ATP9A: variants seen among roughly 807,000 people sequenced by gnomAD.
ATP9A encodes the protein probable phospholipid-transporting ATPase IIA.
ATP9A carries 52 observed loss-of-function variants against 144.1 expected under a neutral mutation model. The ratio of observed to expected loss-of-function variants is 0.36; its 90% CI spans 0.29 to 0.45. The LOEUF (loss-of-function observed/expected upper bound fraction) is 0.45. ATP9A is among the 20% of genes least tolerant of loss of function. The pLI is 1.00. For synonymous variants in ATP9A, 582 were observed against 557.4 expected, an observed-to-expected ratio of 1.04 and a Z score of -0.62; for missense variants, 947 against 1,392.7, an observed-to-expected ratio of 0.68 and a Z score of 5.09.
chr20:51,752,663 C>T (rs1477098371), intron 1 of ATP9A, among the ~76,000 whole-genome samples: 4 of 152,210 alleles, frequency 2.6e-5, no homozygotes, highest in African/African-American at 9.7e-5. Context: ...TGTGGTATCA[C>T]ACACAAAACT....
rs1408331640 is a variant in ATP9A, at chr20:51,689,244, G to A, written c.724-105C>T. On this transcript the variant is annotated intron_variant, in intron 8 of 27. Coordinates refer to ENST00000338821, the MANE Select transcript of ATP9A (RefSeq NM_006045.3). ...GGAGATAGAAAGACAGGCTCCCCCCGATGAACCTGGAAGCCCAGTTTGGAA... is the reference window on the plus strand; with the variant it reads ...GGAGATAGAAAGACAGGCTCCCCCCAATGAACCTGGAAGCCCAGTTTGGAA... 3.9e-5 allele frequency: 45 copies of A among 1,156,234 alleles called. No individual in the cohort carries two copies. The East Asian group carries it at 9.7e-4, about 25-fold the overall frequency. The allele number at this position is 1,156,234 out of a possible 1,614,324, so 71.6% of individuals were successfully genotyped here. A position where few individuals can be genotyped will look rare whatever the true frequency, so the allele number is the denominator to read the frequency against.
At chr20:51,605,115 G>C in intron 26 of ATP9A, 95 bp from the exon 27 acceptor site, 1 of 1,067,514 alleles carries the variant, frequency 9.4e-7, no homozygotes, top group Non-Finnish European at 1.3e-6. Context: ...TTTTCATTTA[G>C]ACATGAAAGG....
chr20:51,708,685 G>A (rs747005833), intron 4 of ATP9A, among the ~76,000 whole-genome samples: 1 of 152,188 alleles, frequency 6.6e-6, no homozygotes, highest in Non-Finnish European at 1.5e-5. Flanking sequence ...GCAGTGAGCT[G>A]AGATCACGCT....
intron 1 of ATP9A, among the ~76,000 whole-genome samples, chr20:51,751,668 A>T (rs981085594): frequency 6.6e-6 from 1 of 152,016 alleles, no homozygotes; most frequent in Admixed American, 6.6e-5. Context: ...GCTCACTGCA[A>T]GCTCCGCCTC....
chr20:51,631,069 G>A (rs1369573985), intron 15 of ATP9A, among the ~76,000 whole-genome samples: 3 of 152,078 alleles, frequency 2.0e-5, no homozygotes, highest in Non-Finnish European at 4.4e-5. Context: ...ACCCTTTAAC[G>A]ACAAACTGGA....
At chr20:51,618,536 T>C (rs1000394780) in intron 21 of ATP9A, 126 bp downstream of exon 21, 2 of 1,355,958 alleles carry the variant, frequency 1.5e-6, no homozygotes, top group Non-Finnish European at 2.0e-6. Context: ...TGGAGAAAAA[T>C]CATGACCTGA....
At chr20:51,604,516 A>C (rs1189659936) in intron 27 of ATP9A, among the ~76,000 whole-genome samples, 1 of 152,156 alleles carries the variant, frequency 6.6e-6, no homozygotes, top group Admixed American at 6.5e-5. Context: ...ATTTCATGGG[A>C]ACAAAAAGAT....
At chr20:51,655,562 A>G (rs1273511931) in intron 14 of ATP9A, among the ~76,000 whole-genome samples, 1 of 152,194 alleles carries the variant, frequency 6.6e-6, no homozygotes, top group Non-Finnish European at 1.5e-5. Flanking sequence ...GGAAAATACA[A>G]ATCAAAACCA....
At chr20:51,652,821 C>T (rs560268549) in intron 14 of ATP9A, among the ~76,000 whole-genome samples, 1 of 152,090 alleles carries the variant, frequency 6.6e-6, no homozygotes, top group South Asian at 2.1e-4. Flanking sequence ...AAAAAAACCA[C>T]AGCAAGGCCA....
chr20:51,610,437 C>T (rs1455746928), intron 23 of ATP9A, among the ~76,000 whole-genome samples: 1 of 152,162 alleles, frequency 6.6e-6, no homozygotes, highest in African/African-American at 2.4e-5. Flanking sequence ...AGCAGCAAAT[C>T]TAGGAATCAT....
At chr20:51,672,273 T>C (rs2077459421) in intron 11 of ATP9A, among the ~76,000 whole-genome samples, 1 of 152,216 alleles carries the variant, frequency 6.6e-6, no homozygotes, top group African/African-American at 2.4e-5. Context: ...TATTCCATTG[T>C]ATGTATTATA....
Position 51,760,148 on chromosome 20 carries a change from A to C in ATP9A, c.68+8154T>G, listed in dbSNP as rs925050160. On this transcript the variant is annotated intron_variant, in intron 1 of 27. Transcript: ENST00000338821. ...CAGAAGAACTAGTATCTCTAAGCAC[A>C]GGAAGGCTGGGATGTGCCACGTGGA... Among the ~76,000 whole-genome samples the C allele has an allele frequency of 5.9e-5, 9 of 152,350 alleles. No individual in the cohort carries two copies. In the East Asian group the frequency reaches 1.7e-3, roughly 29 times the overall value.
chr20:51,743,431 ACT>A (rs2077793655), intron 1 of ATP9A, among the ~76,000 whole-genome samples: 2 of 91,460 alleles, frequency 2.2e-5, no homozygotes, highest in African/African-American at 9.1e-5. Flanking sequence ...ACGGAGTCTC[ACT>A]CTGTCACCCA....
rs76804394 is a variant in ATP9A, at chr20:51,622,901, G to A, written c.2017-729C>T. Among the ~76,000 whole-genome samples the A allele has an allele frequency of 3.2e-3, 492 of 152,280 alleles. 18 individuals are homozygous for A. In the East Asian group the frequency reaches 0.088, roughly 27 times the overall value. On this transcript the variant is annotated intron_variant, in intron 18 of 27. Transcript: ENST00000338821. The stretch of plus-strand genomic sequence containing the variant: ...GGTCAAAGAAAATCTGGATAGGAGG[G>A]AAAGTATAGGAAAGAAGATCATGAC...
rs879701974 is a variant in ATP9A at position 51,729,930 on chromosome 20, G to A, written c.117C>T (p.Arg39=). The change falls in exon 2 of 28, where the codon CGC becomes CGT. Residue 39 remains arginine, a synonymous_variant. Transcript: ENST00000338821. ...RCCGGGEARP[R]TVWLGHPEKR... ...TCTCGGGGTGCCCCAGCCAGACAGT[G>A]CGGGGCCTGGCCTCCCCTCCACCGC... 1 of 1,592,126 alleles carries A rather than the reference G, an allele frequency of 6.3e-7. No individual in the cohort carries two copies. The highest frequency in any genetic ancestry group is 8.5e-7 in the Non-Finnish European group (1 of 1,172,924).
intron 15 of ATP9A, among the ~76,000 whole-genome samples, chr20:51,638,123 ATC>A (rs2077303026): frequency 9.5e-6 from 1 of 105,450 alleles, no homozygotes; most frequent in Non-Finnish European, 1.9e-5. Context: ...ATATATATAT[ATC>A]TCATAGTTCC....
rs190014799 is a variant in ATP9A at position 51,620,567 on chromosome 20, C to T, written c.2115+1507G>A. 4.6e-5 allele frequency among the ~76,000 whole-genome samples: 7 copies of T among 152,208 alleles called. No homozygotes were observed. In the East Asian group the frequency reaches 1.4e-3, roughly 29 times the overall value. ...CTGTAACTCATGCCTGCAGGAAGCT[C>T]ATCTAACACACGCATTCGCTCCATA... On this transcript the variant is annotated intron_variant, in intron 19 of 27. Coordinates refer to ENST00000338821, the MANE Select transcript of ATP9A (RefSeq NM_006045.3).
chr20:51,730,386 T>G (rs929847964), intron 1 of ATP9A, among the ~76,000 whole-genome samples: 1 of 152,166 alleles, frequency 6.6e-6, no homozygotes, highest in Non-Finnish European at 1.5e-5. Flanking sequence ...GATAATCGCT[T>G]GAAACCAAGA....
chr20:51,712,122 G>A (rs1601120588), intron 4 of ATP9A, among the ~76,000 whole-genome samples: 4 of 150,574 alleles, frequency 2.7e-5, no homozygotes. Flanking sequence ...GCCCAGGCTG[G>A]AGTGCAGTGG....
Sources: gnomAD v4.1 joint callset for allele counts (sites outside exome capture counted in the v4.1 genomes callset) on GRCh38, gnomAD v4.1.1 for gene constraint, MANE v1.5 for transcripts, NCBI Gene and HGNC (gene_info 2026-07-23, HGNC 2026-07-21) for gene names.